Variants in SLC6A16 observed in about 807,000 individuals in gnomAD.
SLC6A16 encodes the protein solute carrier family 6 member 16.
In SLC6A16, 54 loss-of-function variants were observed where a neutral mutation model predicts 65.4. The observed-to-expected ratio is 0.83, with a 90% CI of 0.66 to 1.04. SLC6A16 has a LOEUF of 1.04. Ranked by LOEUF, SLC6A16 falls within the 50% of genes least tolerant of loss-of-function variation. The pLI is 0.00. For missense variants in SLC6A16, 816 were observed against 914.0 expected (o/e 0.89, Z 1.38); for synonymous variants, 330 against 346.5 (o/e 0.95, Z 0.53).
chr19:49,320,480 T>C (rs1970692998), intron 1 of SLC6A16, among the ~76,000 whole-genome samples: 1 of 146,870 alleles, frequency 6.8e-6, no homozygotes, highest in Non-Finnish European at 1.5e-5. Flanking sequence ...CTTAAGAAAC[T>C]AGAAAAGCAA....
In SLC6A16 at chr19:49,289,881, G is replaced by A. The variant is rs1851023252; in HGVS notation, c.*242C>T. 5.4e-6 allele frequency: 3 copies of A among 551,624 alleles called. No homozygotes were observed. Among genetic ancestry groups the A allele is most frequent in the Non-Finnish European group, 9.7e-6 (3 of 308,936 alleles). 34.2% of individuals were successfully genotyped at this position (551,624 alleles called of 1,614,324 possible). A position where few individuals can be genotyped will look rare whatever the true frequency, so the allele number is the denominator to read the frequency against. ...TAGACATCACTAGTATTGTATATGTGTTGTGCATGTATGTGTGTTGAGGAA... is the reference window on the plus strand; with the variant it reads ...TAGACATCACTAGTATTGTATATGTATTGTGCATGTATGTGTGTTGAGGAA... On this transcript the variant is annotated 3_prime_UTR_variant, in exon 12 of 12. Transcript: ENST00000335875.
chr19:49,309,511 A>C, intron 5 of SLC6A16, 100 bp from the exon 6 acceptor site: 6 of 1,267,018 alleles, frequency 4.7e-6, no homozygotes, highest in Non-Finnish European at 6.8e-6. Context: ...AGTAGGAGTT[A>C]GAAGAAAGCC....
intron 1 of SLC6A16, among the ~76,000 whole-genome samples, chr19:49,324,465 G>A (rs571058263): frequency 6.6e-6 from 1 of 152,118 alleles, no homozygotes; most frequent in Non-Finnish European, 1.5e-5. Flanking sequence ...CATCCATAAA[G>A]CCCCTTGAGC....
Position 49,310,498 on chromosome 19 carries a change from G to C in SLC6A16, c.428C>G (p.Ala143Gly). The C allele has an allele frequency of 6.2e-7, 1 of 1,614,116 alleles. No individual in the cohort carries two copies. Among genetic ancestry groups the C allele is most frequent in the Middle Eastern group, 1.6e-4 (1 of 6,062 alleles). ...CAGGAACAGCATGAAGATGTAGATG[G>C]CAGCGAAACTGCCTGTGAAGAAGAT... ...WLNSGGCSFA[A>G]IYIFMLFLVG... is the part of the protein sequence containing the mutation. Residue 143 changes from alanine to glycine, a missense_variant, in exon 3 of 12, where the codon GCC becomes GGC. Coordinates refer to ENST00000335875, the MANE Select transcript of SLC6A16 (RefSeq NM_014037.3).
At chr19:49,338,012 G>A in the SLC6A16 span, 54 of 1,613,956 alleles carry the variant, frequency 3.3e-5, no homozygotes, top group South Asian at 5.8e-4. This position sits in a 1 kb window ranked among gnomAD's most constrained non-coding sequence, Gnocchi z 5.0. Flanking sequence ...GGAGAGCTGG[G>A]ACTATGTGCA....
At chr19:49,307,255 A>G (rs1237827794) in intron 7 of SLC6A16, among the ~76,000 whole-genome samples, 1 of 151,544 alleles carries the variant, frequency 6.6e-6, no homozygotes, top group Non-Finnish European at 1.5e-5. Flanking sequence ...AAAAACTACC[A>G]TTACACTCCC....
At chr19:49,339,354 T>A in the SLC6A16 span, 1 of 1,614,000 alleles carries the variant, frequency 6.2e-7, no homozygotes, top group Non-Finnish European at 8.5e-7. The surrounding 1 kb of genome is among the most constrained non-coding windows in gnomAD (Gnocchi z 4.5). Flanking sequence ...CCTCCAGAAG[T>A]GGCTGCACAA....
intron 7 of SLC6A16, among the ~76,000 whole-genome samples, chr19:49,304,628 G>C (rs1056347373): frequency 5.3e-5 from 8 of 152,148 alleles, no homozygotes; most frequent in Non-Finnish European, 1.2e-4. Flanking sequence ...AGCCAGGCGT[G>C]GTGGCACATG....
Position 49,310,069 on chromosome 19 carries a change from C to A in SLC6A16, c.671G>T (p.Cys224Phe), listed in dbSNP as rs756298917. Residue 224 changes from cysteine (C) to phenylalanine (F), a missense_variant, in exon 4 of 12, where the codon TGT becomes TTT. By Grantham distance (205) the Cys-to-Phe change is radical. Transcript: ENST00000335875. Reference sequence around the variant, plus strand: ...GCCACTAGAGTTCATCGTTAAGGGACATTTCTCCCATGGAACGGGAAACTG... The same window carrying A: ...GCCACTAGAGTTCATCGTTAAGGGAAATTTCTCCCATGGAACGGGAAACTG... ...SFQFPVPWEK[C>F]PLTMNSSGFD... is the part of the protein sequence containing the mutation. 2 of 1,613,988 alleles carry A rather than the reference C, an allele frequency of 1.2e-6. No individual in the cohort carries two copies. The highest frequency in any genetic ancestry group is 2.7e-5 in the African/African-American group (2 of 74,874).
chr19:49,311,240 A>G lies in SLC6A16; in HGVS notation c.108T>C (p.Gly36=), dbSNP rs747056728. 1.2e-6 allele frequency: 2 copies of G among 1,614,000 alleles called. No homozygotes were observed. Among genetic ancestry groups the G allele is most frequent in the Non-Finnish European group, 8.5e-7 (1 of 1,179,990 alleles). ...AAGATGTTGCAGACCGGGTCAATGA[A>G]CCCTTGTCTTCCCACGTTTGACTTC... ...VPGSQTWEDK[G]SLTRSATSWT... Residue 36 remains glycine, a synonymous_variant, in exon 2 of 12, where the codon GGT becomes GGC. Transcript: ENST00000335875.
the SLC6A16 span, among the ~76,000 whole-genome samples, chr19:49,333,117 G>A: frequency 1.3e-5 from 2 of 150,430 alleles, no homozygotes; most frequent in Non-Finnish European, 1.5e-5. Context: ...AGCCATAATC[G>A]TGCCACTGCA....
chr19:49,298,095 T>G (rs957455169), intron 7 of SLC6A16, among the ~76,000 whole-genome samples: 15 of 152,182 alleles, frequency 9.9e-5, no homozygotes, highest in Non-Finnish European at 8.8e-5. Flanking sequence ...AATCCATAGA[T>G]GCAAGAAGCC....
the SLC6A16 span, among the ~76,000 whole-genome samples, chr19:49,333,460 ACT>A: frequency 1.3e-5 from 2 of 152,100 alleles, no homozygotes; most frequent in Non-Finnish European, 1.5e-5. Flanking sequence ...GAAGAGTGAG[ACT>A]CTGTCTCAAC....
chr19:49,302,151 C>T (rs1386492198), intron 7 of SLC6A16, among the ~76,000 whole-genome samples: 1 of 152,220 alleles, frequency 6.6e-6, no homozygotes, highest in Non-Finnish European at 1.5e-5. Flanking sequence ...TGACTCCACC[C>T]CTTGCCACCA....
Position 49,310,019 on chromosome 19 carries a change from CTTCT to C in SLC6A16, c.700+17_700+20del. ...TACTTCTCCATTTTTCCCTTCTCCTCTTCTTTCACTTCCTCCTCACCAAAGCCAC... is the reference window on the plus strand; with the variant it reads ...TACTTCTCCATTTTTCCCTTCTCCTCTTCACTTCCTCCTCACCAAAGCCAC... On this transcript the variant is annotated intron_variant, in intron 4 of 11. Transcript: ENST00000335875. 6.2e-7 allele frequency: 1 copy of C among 1,612,106 alleles called. No individual in the cohort carries two copies. Among genetic ancestry groups the C allele is most frequent in the Non-Finnish European group, 8.5e-7 (1 of 1,178,510 alleles).
intron 1 of SLC6A16, among the ~76,000 whole-genome samples, chr19:49,324,062 G>T (rs573088314): frequency 1.5e-4 from 23 of 151,706 alleles, no homozygotes; most frequent in African/African-American, 5.6e-4. Flanking sequence ...GGGCACGGGG[G>T]TTCACACCTG....
At chr19:49,333,504 G>A in the SLC6A16 span, among the ~76,000 whole-genome samples, 1 of 152,182 alleles carries the variant, frequency 6.6e-6, no homozygotes, top group Admixed American at 6.5e-5. Flanking sequence ...TGAGGGATGA[G>A]GCAGGTGGTG....
the SLC6A16 span, chr19:49,340,037 A>G: frequency 6.7e-7 from 1 of 1,488,852 alleles, no homozygotes; most frequent in African/African-American, 1.4e-5. Flanking sequence ...ACTCCTTCTC[A>G]GCCTCTACCC....
chr19:49,290,503 C>T (rs933652993), intron 11 of SLC6A16, 102 bp downstream of exon 11: 13 of 1,555,926 alleles, frequency 8.4e-6, no homozygotes, highest in Middle Eastern at 1.7e-4. Flanking sequence ...CATGAGTCTT[C>T]GGGCAGTAAG....
Sources: gnomAD v4.1 joint callset for allele counts (sites outside exome capture counted in the v4.1 genomes callset) on GRCh38, gnomAD v4.1.1 for gene constraint, Gnocchi (gnomAD v3.1) non-coding constraint, MANE v1.5 for transcripts, NCBI Gene and HGNC (gene_info 2026-07-23, HGNC 2026-07-21) for gene names.